Variants in LARGE1 observed in about 807,000 individuals in gnomAD.
The protein encoded by LARGE1 is xylosyl- and glucuronyltransferase LARGE1.
LARGE1 carries 43 observed loss-of-function variants against 87.6 expected under a neutral mutation model. The observed-to-expected ratio is 0.49, with a 90% CI of 0.38 to 0.63. LARGE1 has a LOEUF of 0.63. Ranked by LOEUF, LARGE1 falls within the 30% of genes least tolerant of loss-of-function variation. LARGE1 has a pLI of 0.00. For synonymous variants in LARGE1, 434 were observed against 394.6 expected, an observed-to-expected ratio of 1.10 and a Z score of -1.18; for missense variants, 802 against 1,000.2, an observed-to-expected ratio of 0.80 and a Z score of 2.67.
At chr22:33,633,945 C>T (rs150462488) in intron 3 of LARGE1, among the ~76,000 whole-genome samples, 14 of 152,278 alleles carry the variant, frequency 9.2e-5, no homozygotes, top group Admixed American at 2.0e-4. Context: ...GCCACAAGCT[C>T]GAAGCTAAGT....
intron 1 of LARGE1, among the ~76,000 whole-genome samples, chr22:33,772,772 C>T (rs928551307): frequency 2.0e-5 from 3 of 152,108 alleles, no homozygotes; most frequent in African/African-American, 7.2e-5. Context: ...TTAATCTCTA[C>T]TTGGGCATAA....
intron 5 of LARGE1, among the ~76,000 whole-genome samples, chr22:33,586,739 G>A (rs1314424889): frequency 6.6e-6 from 1 of 152,196 alleles, no homozygotes; most frequent in Non-Finnish European, 1.5e-5. Context: ...TTACAGGCGT[G>A]AGCCACCGCG....
intron 7 of LARGE1, among the ~76,000 whole-genome samples, chr22:33,409,385 T>A (rs111948218): frequency 6.6e-6 from 1 of 151,978 alleles, no homozygotes; most frequent in African/African-American, 2.4e-5. Flanking sequence ...CAGGCAACAA[T>A]AGGGATGTAA....
chr22:33,834,583 A>G (rs58484073), intron 1 of LARGE1, among the ~76,000 whole-genome samples: 7,942 of 151,874 alleles, frequency 0.052, 696 homozygotes, highest in African/African-American at 0.18. Flanking sequence ...CCCTTCGCTG[A>G]CTCTCTTTTC....
chr22:33,911,099 T>C lies in LARGE1; in HGVS notation c.-83+8896A>G, dbSNP rs527258905. 4.9e-4 allele frequency among the ~76,000 whole-genome samples: 75 copies of C among 151,804 alleles called. 3 individuals carry two copies. The South Asian group carries it at 0.015, about 30-fold the overall frequency. On this transcript the variant is annotated intron_variant, in intron 1 of 14. Coordinates refer to ENST00000397394, the MANE Select transcript of LARGE1 (RefSeq NM_133642.5). ...TAACAAAAATGACCGAATGAGAGAG[T>C]GCCTGGCACAAAAGAAACACTGGAA...
chr22:33,912,118 A>AC (rs1242584901), intron 1 of LARGE1, among the ~76,000 whole-genome samples: 1 of 152,208 alleles, frequency 6.6e-6, no homozygotes, highest in Non-Finnish European at 1.5e-5. Flanking sequence ...AACAACCACA[A>AC]AATGCCATTT....
intron 7 of LARGE1, among the ~76,000 whole-genome samples, chr22:33,409,984 G>A (rs2066249908): frequency 6.6e-6 from 1 of 152,066 alleles, no homozygotes. Flanking sequence ...AGGGAAAGCA[G>A]GTACAGAGTG....
At chr22:33,875,752 T>C (rs1452085062) in intron 1 of LARGE1, among the ~76,000 whole-genome samples, 1 of 152,150 alleles carries the variant, frequency 6.6e-6, no homozygotes, top group African/African-American at 2.4e-5. Context: ...CTGAGAGTGC[T>C]TGACAGCAGG....
chr22:33,817,684 T>C (rs548687518), intron 1 of LARGE1, among the ~76,000 whole-genome samples: 20 of 152,278 alleles, frequency 1.3e-4, no homozygotes, highest in Admixed American at 1.1e-3. Flanking sequence ...GGGAAACTCA[T>C]GCTGGCTAAA....
rs138595293 is a variant in LARGE1, at chr22:33,842,909, C to CAAACAAAACAAAACA, written c.-83+77071_-83+77085dup. Among the ~76,000 whole-genome samples the CAAACAAAACAAAACA allele has an allele frequency of 3.8e-3, 550 of 146,596 alleles. 1 individual carries two copies. Among genetic ancestry groups the CAAACAAAACAAAACA allele is most frequent in the Middle Eastern group, 0.021 (6 of 292 alleles). On this transcript the variant is annotated intron_variant, in intron 1 of 14. Coordinates refer to ENST00000397394, the MANE Select transcript of LARGE1 (RefSeq NM_133642.5). ...CTCACTCACATTTCCCATTCTAGCA[C>CAAACAAAACAAAACA]AAACAAAACAAAACAAAACAAAACA... is the stretch of plus-strand genomic sequence containing the variant.
chr22:33,217,693 G>T (rs1925273255), intron 11 of LARGE1, among the ~76,000 whole-genome samples: 1 of 152,104 alleles, frequency 6.6e-6, no homozygotes, highest in Non-Finnish European at 1.5e-5. Flanking sequence ...GGAGTATACA[G>T]AGGACTTCAA....
intron 6 of LARGE1, among the ~76,000 whole-genome samples, chr22:33,457,584 T>C (rs1168407787): frequency 2.0e-5 from 3 of 152,022 alleles, no homozygotes; most frequent in Non-Finnish European, 4.4e-5. Flanking sequence ...ACAAAAGACA[T>C]GTATATGCCT....
chr22:33,793,133 G>T (rs1302809618), intron 1 of LARGE1, among the ~76,000 whole-genome samples: 1 of 152,222 alleles, frequency 6.6e-6, no homozygotes, highest in Non-Finnish European at 1.5e-5. Flanking sequence ...CACAGGATAA[G>T]TGTTCAATGT....
At chr22:33,919,346 T>G (rs1383232897) in intron 1 of LARGE1, among the ~76,000 whole-genome samples, 1 of 152,190 alleles carries the variant, frequency 6.6e-6, no homozygotes, top group African/African-American at 2.4e-5. Context: ...ATACACAAAC[T>G]TTGGAGTCCT....
In LARGE1 at chr22:33,405,038, G is replaced by C. The variant is rs1456260667; in HGVS notation, c.893-20734C>G. ...GCATAAAGGAGTTTGCTGTCCTCTT[G>C]TTGGCTTTTAAGGTCATGGGACCGT... On this transcript the variant is annotated intron_variant, in intron 7 of 14. Transcript: ENST00000397394. Among the ~76,000 whole-genome samples, 4 of 152,322 alleles carry C rather than the reference G, an allele frequency of 2.6e-5. No homozygotes were observed. The East Asian group carries it at 7.7e-4, about 29-fold the overall frequency.
intron 1 of LARGE1, among the ~76,000 whole-genome samples, chr22:33,806,420 T>C (rs2086311300): frequency 1.3e-5 from 2 of 152,160 alleles, no homozygotes; most frequent in South Asian, 4.1e-4. Context: ...CTGGCACATT[T>C]TCCAGCCCCA....
At chr22:33,892,591 A>G (rs1452146515) in intron 1 of LARGE1, among the ~76,000 whole-genome samples, 1 of 152,236 alleles carries the variant, frequency 6.6e-6, no homozygotes, top group Non-Finnish European at 1.5e-5. Context: ...CTTCATGCAT[A>G]CAAAATGATC....
At chr22:33,595,490 G>A (rs915243085) in intron 5 of LARGE1, among the ~76,000 whole-genome samples, 1 of 152,168 alleles carries the variant, frequency 6.6e-6, no homozygotes, top group Admixed American at 6.5e-5. Flanking sequence ...ACACAATGGG[G>A]AGCACATTTA....
At chr22:33,780,650 T>C (rs1470986604) in intron 1 of LARGE1, among the ~76,000 whole-genome samples, 3 of 152,184 alleles carry the variant, frequency 2.0e-5, no homozygotes, top group Non-Finnish European at 4.4e-5. Flanking sequence ...CAATAACTGA[T>C]CTCTAACATC....
Sources: gnomAD v4.1 joint callset for allele counts (sites outside exome capture counted in the v4.1 genomes callset) on GRCh38, gnomAD v4.1.1 for gene constraint, MANE v1.5 for transcripts, NCBI Gene and HGNC (gene_info 2026-07-23, HGNC 2026-07-21) for gene names.